Variants in KIF13B observed in about 807,000 individuals in gnomAD.
KIF13B encodes the protein kinesin family member 13B.
In KIF13B, 127 loss-of-function variants were observed where a neutral mutation model predicts 222.0. The observed-to-expected ratio is 0.57, with a 90% CI of 0.50 to 0.66. The LOEUF (loss-of-function observed/expected upper bound fraction) is 0.66, where lower values mean the gene tolerates loss of function less well. Among genes scored for constraint, KIF13B ranks in the 30% least tolerant of loss-of-function variants. The probability of loss-of-function intolerance (pLI) is 0.00; values close to 1 mark genes in which losing one functional copy is unlikely to be tolerated. For missense variants in KIF13B, 2,173 were observed against 2,379.0 expected (o/e 0.91, Z 1.80); for synonymous variants, 976 against 919.0 (o/e 1.06, Z -1.12).
intron 12 of KIF13B, among the ~76,000 whole-genome samples, chr8:29,163,239 C>A (rs184152416): frequency 6.6e-6 from 1 of 152,258 alleles, no homozygotes; most frequent in African/African-American, 2.4e-5. Context: ...TTCTTAAGAA[C>A]TTACAAACTC....
At chr8:29,186,827 T>C (rs2130319002) in intron 5 of KIF13B, among the ~76,000 whole-genome samples, 1 of 151,428 alleles carries the variant, frequency 6.6e-6, no homozygotes, top group East Asian at 1.9e-4. Flanking sequence ...AAATTAGCCA[T>C]GCGTGACGGC....
At position 29,087,048 on chromosome 8, in the gene KIF13B, T is replaced by C. The variant is rs535662116; in HGVS notation, c.4458+5697A>G. Among the ~76,000 whole-genome samples, 3 of 152,348 alleles carry C rather than the reference T, an allele frequency of 2.0e-5. No individual in the cohort carries two copies. In the East Asian group the frequency reaches 5.8e-4, roughly 29 times the overall value. Reference sequence around the variant, plus strand: ...CCACGCCAGTGTGTGCGCAGGGCAGTCCAGCCACCGTCATCAACATCCACT... The same window carrying C: ...CCACGCCAGTGTGTGCGCAGGGCAGCCCAGCCACCGTCATCAACATCCACT... On this transcript the variant is annotated intron_variant, in intron 37 of 39. Transcript: ENST00000524189.
intron 1 of KIF13B, among the ~76,000 whole-genome samples, chr8:29,256,853 G>A (rs780294105): frequency 6.6e-6 from 1 of 152,116 alleles, no homozygotes; most frequent in East Asian, 1.9e-4. Flanking sequence ...CTTCCAGGTT[G>A]AAGCGATTAT....
At chr8:29,219,274 C>T (rs17535160) in intron 2 of KIF13B, 2,127 of 152,274 alleles carry the variant, frequency 0.014, 26 homozygotes, top group Non-Finnish European at 0.023. Context: ...ACGCTGCTGC[C>T]GATGCCAGGC....
chr8:29,222,401 T>C (rs540906692), intron 2 of KIF13B, among the ~76,000 whole-genome samples: 5 of 152,022 alleles, frequency 3.3e-5, no homozygotes, highest in Non-Finnish European at 5.9e-5. Flanking sequence ...TCAAACATTA[T>C]TTTGTTTTCT....
At chr8:29,126,084 C>CAA (rs548074536) in intron 26 of KIF13B, among the ~76,000 whole-genome samples, 2 of 148,622 alleles carry the variant, frequency 1.3e-5, no homozygotes, top group East Asian at 2.0e-4. Flanking sequence ...GAGACTCTGT[C>CAA]ACAAAAAAAA....
chr8:29,147,364 A>G, intron 17 of KIF13B, 28 bp downstream of exon 17: 1 of 1,554,796 alleles, frequency 6.4e-7, no homozygotes, highest in Non-Finnish European at 8.7e-7. Context: ...TGAGCTATAA[A>G]GTTAACAGGC....
chr8:29,198,742 T>C (rs1183442789), intron 2 of KIF13B, among the ~76,000 whole-genome samples: 1 of 152,220 alleles, frequency 6.6e-6, no homozygotes, highest in African/African-American at 2.4e-5. Flanking sequence ...TATGTATGTT[T>C]ATTGTAACAC....
At chr8:29,080,729 T>C (rs1253829771) in intron 37 of KIF13B, among the ~76,000 whole-genome samples, 3 of 152,212 alleles carry the variant, frequency 2.0e-5, no homozygotes, top group Non-Finnish European at 2.9e-5. Flanking sequence ...CCCATCTACA[T>C]GAGTTCTCTA....
At chr8:29,199,086 T>TTTTTTTTTTTTTTTTTTTTA (rs1358025375) in intron 2 of KIF13B, among the ~76,000 whole-genome samples, 34 of 151,916 alleles carry the variant, frequency 2.2e-4, no homozygotes, top group African/African-American at 6.3e-4. Flanking sequence ...AATAAAATTT[T>TTTTTTTTTTTTTTTTTTTTA]TTAAAAAATA....
intron 2 of KIF13B, among the ~76,000 whole-genome samples, chr8:29,211,279 T>C (rs1814211205): frequency 6.6e-6 from 1 of 152,240 alleles, no homozygotes; most frequent in Non-Finnish European, 1.5e-5. Flanking sequence ...GAACAACTGG[T>C]TCTAGCTCTC....
intron 2 of KIF13B, among the ~76,000 whole-genome samples, chr8:29,220,170 G>GA (rs796224943): frequency 1.3e-5 from 2 of 152,126 alleles, no homozygotes; most frequent in Non-Finnish European, 2.9e-5. Context: ...CTCCTTTAAA[G>GA]AAAAAAACTG....
chr8:29,109,764 A>G (rs1163903508), intron 33 of KIF13B, among the ~76,000 whole-genome samples, 154 bp downstream of exon 33: 2 of 152,250 alleles, frequency 1.3e-5, no homozygotes, highest in East Asian at 3.8e-4. Flanking sequence ...GTAAGACAGA[A>G]TGACCCAATT....
At chr8:29,193,941 C>G (rs1813301636) in intron 3 of KIF13B, among the ~76,000 whole-genome samples, 1 of 151,554 alleles carries the variant, frequency 6.6e-6, no homozygotes. Flanking sequence ...CCTCAGCCTC[C>G]TGAGTAGCTG....
At chr8:29,088,690 T>G (rs1808156019) in intron 37 of KIF13B, among the ~76,000 whole-genome samples, 1 of 152,260 alleles carries the variant, frequency 6.6e-6, no homozygotes, top group Non-Finnish European at 1.5e-5. Context: ...ATACAGCATT[T>G]TTCTTCTTCC....
intron 29 of KIF13B, 36 bp from the exon 30 acceptor site, chr8:29,119,028 AT>A: frequency 6.3e-7 from 1 of 1,597,086 alleles, no homozygotes. Context: ...TACTGAGATC[AT>A]TTTCAAGGAT....
intron 15 of KIF13B, 65 bp downstream of exon 15, chr8:29,150,232 A>G: frequency 4.7e-6 from 4 of 855,774 alleles, no homozygotes; most frequent in Non-Finnish European, 7.6e-6. Context: ...ACTTTTTAAC[A>G]TGTATTTTCT....
intron 7 of KIF13B, 56 bp downstream of exon 7, chr8:29,181,863 A>T: frequency 1.7e-6 from 2 of 1,185,218 alleles, no homozygotes; most frequent in Non-Finnish European, 2.4e-6. Context: ...CAAGAAAAAA[A>T]AGAGCCCCAC....
intron 36 of KIF13B, among the ~76,000 whole-genome samples, chr8:29,098,602 CAAAA>C (rs202180136): frequency 3.3e-5 from 2 of 60,770 alleles, no homozygotes; most frequent in Non-Finnish European, 7.0e-5. Context: ...GACTCTGTCT[CAAAA>C]AAAAAAAAAA....
Sources: allele counts gnomAD v4.1 joint callset (sites outside exome capture counted in the v4.1 genomes callset), GRCh38; gene constraint gnomAD v4.1.1; transcripts MANE v1.5; gene names NCBI Gene and HGNC (gene_info 2026-07-23, HGNC 2026-07-21).